Variants in GALNT7 observed in about 807,000 individuals in gnomAD.
GALNT7 encodes the protein polypeptide N-acetylgalactosaminyltransferase 7.
Under a neutral mutation model 82.1 loss-of-function variants are expected in GALNT7, and 60 were observed. The observed-to-expected ratio is 0.73, with a 90% confidence interval of 0.59 to 0.91. The LOEUF is 0.91. GALNT7 is among the 40% of genes least tolerant of loss of function. The probability of loss-of-function intolerance (pLI) is 0.00; values close to 1 mark genes in which losing one functional copy is unlikely to be tolerated. For missense variants in GALNT7, 660 were observed against 804.2 expected (o/e 0.82, Z 2.17); for synonymous variants, 243 against 275.1 (o/e 0.88, Z 1.15).
At chr4:173,236,413 G>A (rs887503351) in intron 1 of GALNT7, among the ~76,000 whole-genome samples, 1 of 152,128 alleles carries the variant, frequency 6.6e-6, no homozygotes, top group African/African-American at 2.4e-5. Flanking sequence ...TTATTTTTAA[G>A]TTTTTTCTTA....
intron 1 of GALNT7, among the ~76,000 whole-genome samples, chr4:173,190,214 G>A (rs527321519): frequency 1.3e-5 from 2 of 152,102 alleles, no homozygotes; most frequent in Admixed American, 6.5e-5. Flanking sequence ...TTTCATCTAC[G>A]TGGTCTGAGA....
At chr4:173,221,661 A>T (rs893756242) in intron 1 of GALNT7, among the ~76,000 whole-genome samples, 4 of 152,224 alleles carry the variant, frequency 2.6e-5, no homozygotes, top group African/African-American at 9.6e-5. Flanking sequence ...GAACTTTAAT[A>T]TTTCAATAGT....
intron 2 of GALNT7, among the ~76,000 whole-genome samples, chr4:173,273,302 C>T (rs1383628): frequency 0.43 from 66,084 of 151,996 alleles, 17,138 homozygotes; most frequent in East Asian, 0.69. Context: ...AACTTAAATT[C>T]CCAACTTGTT....
intron 8 of GALNT7, among the ~76,000 whole-genome samples, chr4:173,312,140 G>C (rs530179164): frequency 6.6e-6 from 1 of 152,278 alleles, no homozygotes; most frequent in African/African-American, 2.4e-5. Context: ...TTACTATCTG[G>C]CCCTTTATAG....
chr4:173,295,234 T>G (rs1736678835), intron 3 of GALNT7, among the ~76,000 whole-genome samples, 162 bp from the exon 4 acceptor site: 1 of 152,232 alleles, frequency 6.6e-6, no homozygotes, highest in East Asian at 1.9e-4. Flanking sequence ...CAAAATTAAC[T>G]TAAATAATAT....
chr4:173,278,734 T>C (rs780067497), intron 2 of GALNT7, among the ~76,000 whole-genome samples: 6 of 152,198 alleles, frequency 3.9e-5, no homozygotes, highest in South Asian at 2.1e-4. Flanking sequence ...GATTATACTT[T>C]TAAAGGAATT....
At chr4:173,266,044 G>A (rs1735477310) in intron 2 of GALNT7, among the ~76,000 whole-genome samples, 1 of 152,136 alleles carries the variant, frequency 6.6e-6, no homozygotes, top group African/African-American at 2.4e-5. Flanking sequence ...GATCACTTGA[G>A]GCCAGGATTT....
At position 173,247,998 on chromosome 4, in the gene GALNT7, G is replaced by A; in HGVS notation, c.145G>A (p.Asp49Asn). 6.2e-7 allele frequency: 1 copy of A among 1,611,478 alleles called. No homozygotes were observed. Among genetic ancestry groups the A allele is most frequent in the African/African-American group, 1.3e-5 (1 of 74,900 alleles). ...TGTATAGGAAGACAGAGATGTCAAT[G>A]ACCCCATGCCCAACCGAGGCGGCAA... ...SRMREDRDVN[D>N]PMPNRGGNGL... is the part of the protein sequence containing the mutation. The change falls in exon 2 of 12, where the codon GAC becomes AAC. Residue 49 changes from aspartate (D) to asparagine (N), a missense_variant. This residue lies in a region of GALNT7 where 133 missense variants were observed against 120.7 expected (regional missense o/e 1.10). Coordinates refer to ENST00000265000, the MANE Select transcript of GALNT7 (RefSeq NM_017423.3).
chr4:173,225,735 C>T (rs893187589), intron 1 of GALNT7, among the ~76,000 whole-genome samples: 1 of 152,166 alleles, frequency 6.6e-6, no homozygotes, highest in Non-Finnish European at 1.5e-5. Flanking sequence ...GGTTGGGTTA[C>T]CCAGGAAGCG....
In GALNT7 at chr4:173,313,953, T is replaced by A; in HGVS notation, c.1390-5T>A. The A allele has an allele frequency of 7.4e-7, 1 of 1,348,066 alleles. No individual in the cohort carries two copies. Among genetic ancestry groups the A allele is most frequent in the Non-Finnish European group, 1.0e-6 (1 of 962,886 alleles). The allele number at this position is 1,348,066 out of a possible 1,614,324, so 83.5% of individuals were successfully genotyped here. A position where few individuals can be genotyped will look rare whatever the true frequency, so the allele number is the denominator to read the frequency against. ...GATATATATATATATATTTTTTTTT[T>A]ACAGAATTATGTTAGAGTTGTGGAG... On this transcript the variant is annotated splice_region_variant and splice_polypyrimidine_tract_variant and intron_variant, in intron 8 of 11. Coordinates refer to ENST00000265000, the MANE Select transcript of GALNT7 (RefSeq NM_017423.3).
rs1371524810 is a variant in GALNT7 at position 173,297,398 on chromosome 4, C to G, written c.966-717C>G. Among the ~76,000 whole-genome samples the G allele has an allele frequency of 2.0e-5, 3 of 152,138 alleles. No homozygotes were observed. The East Asian group carries it at 5.8e-4, about 29-fold the overall frequency. On this transcript the variant is annotated intron_variant, in intron 5 of 11. Transcript: ENST00000265000. ...AGAATGTGGCAAGTACTATCTGTGA[C>G]CCCACACACACGCACACGCATGCAC...
intron 2 of GALNT7, among the ~76,000 whole-genome samples, chr4:173,268,631 C>T (rs959966633): frequency 2.4e-4 from 34 of 140,854 alleles, no homozygotes; most frequent in African/African-American, 8.2e-4. Flanking sequence ...CCCAGGTTCA[C>T]GCCATTCTCC....
At chr4:173,175,346 G>T (rs1302480478) in intron 1 of GALNT7, among the ~76,000 whole-genome samples, 1 of 152,208 alleles carries the variant, frequency 6.6e-6, no homozygotes, top group Non-Finnish European at 1.5e-5. Context: ...TTGCAAGTCC[G>T]ATGGAATCCC....
At position 173,182,637 on chromosome 4, in the gene GALNT7, A is replaced by T. The variant is rs114438789; in HGVS notation, c.126+13676A>T. On this transcript the variant is annotated intron_variant, in intron 1 of 11. Coordinates refer to ENST00000265000, the MANE Select transcript of GALNT7 (RefSeq NM_017423.3). Reference sequence around the variant, plus strand: ...GCACACAGCGTGTTGCCTCTGAATGATGAGGCAAGCAGGTTACTCATAATA... The same window carrying T: ...GCACACAGCGTGTTGCCTCTGAATGTTGAGGCAAGCAGGTTACTCATAATA... 7.9e-3 allele frequency among the ~76,000 whole-genome samples: 1,192 copies of T among 151,022 alleles called. 19 individuals carry two copies. The highest frequency in any genetic ancestry group is 0.027 in the African/African-American group (1,111 of 41,016).
intron 5 of GALNT7, among the ~76,000 whole-genome samples, chr4:173,297,176 C>G (rs1384068737): frequency 6.6e-6 from 1 of 150,570 alleles, no homozygotes; most frequent in African/African-American, 2.5e-5. Context: ...CAGACCACTT[C>G]TGAAGTTCTT....
At chr4:173,178,052 T>TGTGTGTGTGTGC (rs563102408) in intron 1 of GALNT7, among the ~76,000 whole-genome samples, 2 of 129,510 alleles carry the variant, frequency 1.5e-5, no homozygotes, top group African/African-American at 6.1e-5. Flanking sequence ...TGTGTGTGTG[T>TGTGTGTGTGTGC]GCGCGCACGC....
intron 2 of GALNT7, among the ~76,000 whole-genome samples, chr4:173,254,937 A>G (rs1016242148): frequency 5.9e-5 from 9 of 152,196 alleles, no homozygotes; most frequent in African/African-American, 1.9e-4. Context: ...TCTGATGTCT[A>G]CTTTTCTTCT....
At chr4:173,213,522 A>G (rs370514661) in intron 1 of GALNT7, among the ~76,000 whole-genome samples, 9 of 152,266 alleles carry the variant, frequency 5.9e-5, no homozygotes, top group East Asian at 5.8e-4. Flanking sequence ...GTTTAATACA[A>G]TTGAGCTGTG....
At chr4:173,184,374 A>G (rs1366836215) in intron 1 of GALNT7, among the ~76,000 whole-genome samples, 1 of 152,050 alleles carries the variant, frequency 6.6e-6, no homozygotes, top group Non-Finnish European at 1.5e-5. Context: ...AGGCTGGCAG[A>G]TCACTCGCGG....
Sources: gnomAD v4.1 joint callset for allele counts (sites outside exome capture counted in the v4.1 genomes callset) on GRCh38, gnomAD v4.1.1 for gene constraint, gnomAD v4.1.1 regional missense constraint, MANE v1.5 for transcripts, NCBI Gene and HGNC (gene_info 2026-07-23, HGNC 2026-07-21) for gene names.